KMT2C: variants seen among roughly 807,000 people sequenced by gnomAD.
The protein encoded by KMT2C is histone-lysine N-methyltransferase 2C.
KMT2C carries 88 observed loss-of-function variants against 507.9 expected under a neutral mutation model. That is an observed-to-expected ratio of 0.17 (90% CI 0.15 to 0.21). KMT2C has a LOEUF of 0.21. Ranked by LOEUF, KMT2C falls within the 10% of genes least tolerant of loss-of-function variation. The pLI, the probability that KMT2C is intolerant of heterozygous loss-of-function variation, is 1.00. For missense variants in KMT2C, 4,954 were observed against 5,957.8 expected (o/e 0.83, Z 5.55); for synonymous variants, 2,049 against 2,080.8 (o/e 0.98, Z 0.42).
intron 1 of KMT2C, among the ~76,000 whole-genome samples, chr7:152,424,764 A>G (rs1366738108): frequency 6.6e-6 from 1 of 152,102 alleles, no homozygotes; most frequent in Non-Finnish European, 1.5e-5. Context: ...GTCTGTATTC[A>G]ACAGGCAAGT....
chr7:152,427,003 GTTT>G (rs919172600), intron 1 of KMT2C, among the ~76,000 whole-genome samples: 1 of 150,602 alleles, frequency 6.6e-6, no homozygotes, highest in Non-Finnish European at 1.5e-5. Flanking sequence ...ACTCCCCAGA[GTTT>G]TTTTTTGTTT....
chr7:152,193,151 G>A (rs528871885), intron 31 of KMT2C, among the ~76,000 whole-genome samples: 2 of 152,294 alleles, frequency 1.3e-5, no homozygotes, highest in Admixed American at 1.3e-4. Flanking sequence ...ATGTCAGCCT[G>A]GGTGACAGAG....
At chr7:152,272,622 A>C (rs181648601) in intron 7 of KMT2C, among the ~76,000 whole-genome samples, 7 of 152,330 alleles carry the variant, frequency 4.6e-5, no homozygotes, top group Admixed American at 4.6e-4. Flanking sequence ...AACGCATTTT[A>C]AAACTTTAAA....
intron 53 of KMT2C, 104 bp from the exon 54 acceptor site, chr7:152,145,399 G>T: frequency 8.9e-7 from 1 of 1,122,216 alleles, no homozygotes; most frequent in Non-Finnish European, 1.3e-6. Flanking sequence ...ACTCATCAGC[G>T]TTTTCCCCGA....
At chr7:152,207,267 A>T (rs367674792) in intron 24 of KMT2C, 33 bp downstream of exon 24, 5 of 1,392,988 alleles carry the variant, frequency 3.6e-6, no homozygotes, top group African/African-American at 2.9e-5. Flanking sequence ...CCAAGTGTTG[A>T]TGATATTGAA....
chr7:152,242,503 C>T (rs1237536952), intron 14 of KMT2C, among the ~76,000 whole-genome samples: 2 of 152,090 alleles, frequency 1.3e-5, no homozygotes, highest in African/African-American at 2.4e-5. Flanking sequence ...AATCAACTTG[C>T]TATCAAATAC....
chr7:152,277,729 C>T (rs2096110805), intron 6 of KMT2C, among the ~76,000 whole-genome samples: 1 of 151,932 alleles, frequency 6.6e-6, no homozygotes, highest in South Asian at 2.1e-4. Context: ...AAGAATCGGG[C>T]ATCAGTTCTC....
chr7:152,202,463 C>G (rs2094174790), intron 26 of KMT2C, among the ~76,000 whole-genome samples: 1 of 152,042 alleles, frequency 6.6e-6, no homozygotes, highest in African/African-American at 2.4e-5. Flanking sequence ...TTTTGGAAAA[C>G]AAAAAGAATA....
chr7:152,145,006 C>T, intron 54 of KMT2C, 125 bp from the exon 55 acceptor site: 1 of 1,366,536 alleles, frequency 7.3e-7, no homozygotes. Flanking sequence ...AGCTGCCTAG[C>T]AGAGACACAC....
chr7:152,205,206 C>T lies in KMT2C; in HGVS notation c.3861G>A (p.Val1287=), dbSNP rs751951064. 2.5e-6 allele frequency: 4 copies of T among 1,611,000 alleles called. No individual in the cohort carries two copies. The highest frequency in any genetic ancestry group is 3.4e-6 in the Non-Finnish European group (4 of 1,178,844). ...PYRPGIGGFM[V]RQRSRTGQGK... ...CTTGCCCAGTTCGACTTCTTTGCCG[C>T]ACCATAAATCCACCAATACCTATCC... Residue 1287 remains valine, a synonymous_variant, in exon 25 of 59, where the codon GTG becomes GTA. Transcript: ENST00000262189.
intron 9 of KMT2C, among the ~76,000 whole-genome samples, chr7:152,255,109 T>TTATATATATATATATATATATA (rs1207305132): frequency 8.9e-5 from 7 of 78,344 alleles, no homozygotes; most frequent in Admixed American, 2.8e-4. Flanking sequence ...CAACTCTCAC[T>TTATATATATATATATATATATA]TATATATATA....
intron 9 of KMT2C, among the ~76,000 whole-genome samples, chr7:152,256,375 G>A (rs1393843272): frequency 1.3e-5 from 2 of 151,890 alleles, no homozygotes; most frequent in African/African-American, 2.4e-5. Flanking sequence ...AATACAGCCT[G>A]GACAACATAG....
intron 3 of KMT2C, among the ~76,000 whole-genome samples, chr7:152,319,881 A>G (rs991352478): frequency 6.6e-6 from 1 of 151,914 alleles, no homozygotes; most frequent in African/African-American, 2.4e-5. Flanking sequence ...CTCCCTGTCC[A>G]CTGGACATGT....
At chr7:152,204,765 T>G (rs932316882) in intron 25 of KMT2C, among the ~76,000 whole-genome samples, 6 of 152,240 alleles carry the variant, frequency 3.9e-5, no homozygotes, top group African/African-American at 1.4e-4. Flanking sequence ...CTTATGTAAC[T>G]AAGTTATTCA....
At chr7:152,352,886 A>T (rs946887437) in intron 2 of KMT2C, among the ~76,000 whole-genome samples, 1 of 152,212 alleles carries the variant, frequency 6.6e-6, no homozygotes, top group Non-Finnish European at 1.5e-5. Context: ...GCCAGCTGAC[A>T]AGGGGCTCCC....
Position 152,136,144 on chromosome 7 carries a change from A to C in KMT2C, c.*688T>G. On this transcript the variant is annotated 3_prime_UTR_variant, in exon 59 of 59. Coordinates refer to ENST00000262189, the MANE Select transcript of KMT2C (RefSeq NM_170606.3). ...TGGCTTTCTTCTAACTTTATTTAAA[A>C]ATAGCTTCATTCACTTATTCAATAA... 4.8e-6 allele frequency: 1 copy of C among 209,036 alleles called. No homozygotes were observed. Among genetic ancestry groups the C allele is most frequent in the East Asian group, 7.4e-5 (1 of 13,570 alleles). The allele number at this position is 209,036 out of a possible 1,614,324, so 12.9% of individuals were successfully genotyped here. A position where few individuals can be genotyped will look rare whatever the true frequency, so the allele number is the denominator to read the frequency against.
chr7:152,290,098 G>A (rs1302759764), intron 6 of KMT2C, among the ~76,000 whole-genome samples: 1 of 150,752 alleles, frequency 6.6e-6, no homozygotes, highest in African/African-American at 2.4e-5. Context: ...ATCAATAGTT[G>A]GAATATCTGG....
Position 152,154,357 on chromosome 7 carries a change from T to C in KMT2C, c.12049A>G (p.Arg4017Gly). 1.2e-6 allele frequency: 2 copies of C among 1,614,154 alleles called. No individual in the cohort carries two copies. The highest frequency in any genetic ancestry group is 1.1e-5 in the South Asian group (1 of 91,086). The change falls in exon 47 of 59, where the codon AGG (arginine) becomes GGG (glycine). Residue 4017 changes from arginine to glycine, a missense_variant. Arg to Gly is a moderately radical substitution (Grantham distance 125, BLOSUM62 -2). This residue lies in a region of KMT2C where 6 missense variants were observed against 23.3 expected (regional missense o/e 0.26). Transcript: ENST00000262189. ...TTGACCAATGACAGATCTGGATACCTGCTCACTTCTACCCCAACCACACTC... is the reference window on the plus strand; with the variant it reads ...TTGACCAATGACAGATCTGGATACCCGCTCACTTCTACCCCAACCACACTC... The part of the protein sequence containing the change: ...PESVVGVEVS[R>G]YPDLSLVKEE...
chr7:152,307,312 G>C (rs946153096), intron 6 of KMT2C, among the ~76,000 whole-genome samples: 2 of 105,806 alleles, frequency 1.9e-5, no homozygotes, highest in Non-Finnish European at 1.8e-5. Context: ...GAAGGAAGAC[G>C]AAGGACAGAA....
Sources: gnomAD v4.1 joint callset for allele counts (sites outside exome capture counted in the v4.1 genomes callset) on GRCh38, gnomAD v4.1.1 for gene constraint, gnomAD v4.1.1 regional missense constraint, MANE v1.5 for transcripts, NCBI Gene and HGNC (gene_info 2026-07-23, HGNC 2026-07-21) for gene names.